Variants in SYTL1 observed in about 807,000 individuals in gnomAD.
The protein encoded by SYTL1 is synaptotagmin like 1.
Under a neutral mutation model 74.6 loss-of-function variants are expected in SYTL1, and 53 were observed. The observed-to-expected ratio is 0.71, with a 90% CI of 0.57 to 0.89. The LOEUF (loss-of-function observed/expected upper bound fraction) is 0.89. Among genes scored for constraint, SYTL1 ranks in the 40% least tolerant of loss-of-function variants. The pLI, the probability that SYTL1 is intolerant of heterozygous loss-of-function variation, is 0.00. For synonymous variants in SYTL1, 329 were observed against 324.9 expected, an observed-to-expected ratio of 1.01 and a Z score of -0.14; for missense variants, 728 against 768.7, an observed-to-expected ratio of 0.95 and a Z score of 0.63.
In SYTL1 at chr1:27,349,419, A is replaced by T. The variant is rs1297089853; in HGVS notation, c.554A>T (p.Gln185Leu). Residue 185 changes from glutamine to leucine, a missense_variant, in exon 7 of 15, where the codon CAG becomes CTG. Physicochemically the swap from Gln to Leu is moderately radical, Grantham distance 113. Transcript: ENST00000616558. ...CCAGATCCTGGCCAAGGAGACCAAC[A>T]GGTCTGTGCCGAGGAGGCTGACCCG... ...AQEDPGQGDQ[Q>L]VCAEEADPEL... is the part of the protein sequence containing the mutation. 33 of 1,448,034 alleles carry T rather than the reference A, an allele frequency of 2.3e-5. No homozygotes were observed. The allele number at this position is 1,448,034 out of a possible 1,614,324, so 89.7% of individuals were successfully genotyped here. A position where few individuals can be genotyped will look rare whatever the true frequency, so the allele number is the denominator to read the frequency against.
Position 27,351,625 on chromosome 1 carries a change from C to G in SYTL1, c.1343+70C>G. 1 of 1,014,530 alleles carries G rather than the reference C, an allele frequency of 9.9e-7. No individual in the cohort carries two copies. The highest frequency in any genetic ancestry group is 1.4e-6 in the Non-Finnish European group (1 of 699,854). The allele number at this position is 1,014,530 out of a possible 1,614,324, so 62.8% of individuals were successfully genotyped here. A position where few individuals can be genotyped will look rare whatever the true frequency, so the allele number is the denominator to read the frequency against. Reference sequence around the variant, plus strand: ...GTGGAGTGCCCAACCTCCACAAACCCTTACTAATCAACCTTTGATCACGCA... The same window carrying G: ...GTGGAGTGCCCAACCTCCACAAACCGTTACTAATCAACCTTTGATCACGCA... On this transcript the variant is annotated intron_variant, in intron 13 of 14. Coordinates refer to ENST00000616558, the MANE Select transcript of SYTL1 (RefSeq NM_001193308.2). The surrounding 1 kb of genome is among the most constrained non-coding windows in gnomAD (Gnocchi z 5.0).
rs749329012 is a variant in SYTL1, at chr1:27,347,890, A to C, written c.413+10A>C. 13 of 1,614,090 alleles carry C rather than the reference A, an allele frequency of 8.1e-6. No individual in the cohort carries two copies. Among genetic ancestry groups the C allele is most frequent in the East Asian group, 2.2e-5 (1 of 44,874 alleles). On this transcript the variant is annotated intron_variant, in intron 4 of 14. Coordinates refer to ENST00000616558, the MANE Select transcript of SYTL1 (RefSeq NM_001193308.2). The surrounding 1 kb of genome is among the most constrained non-coding windows in gnomAD (Gnocchi z 4.9). ...AGGGGCCAGAGCCCAGGTGAGGAGG[A>C]GTCTCAGGAAGGGGGAGATGGTGCC...
rs1311976594 is a variant in SYTL1 at position 27,345,520 on chromosome 1, G to C, written c.186G>C (p.Arg62=). The part of the protein sequence containing the change: ...DARLRQLEEG[R]VSKLRASVAD... The stretch of plus-strand genomic sequence containing the variant: ...GCCTGCGCCAGCTGGAGGAGGGGCG[G>C]GTCAGGTAAGGCAGGGCAGACCCTG... The change falls in exon 2 of 15, where the codon CGG becomes CGC. Residue 62 remains arginine, a synonymous_variant. Transcript: ENST00000616558. The surrounding 1 kb of genome is among the most constrained non-coding windows in gnomAD (Gnocchi z 6.0). 6.4e-7 allele frequency: 1 copy of C among 1,550,568 alleles called. No homozygotes were observed. The highest frequency in any genetic ancestry group is 2.4e-5 in the East Asian group (1 of 41,536).
Position 27,353,470 on chromosome 1 carries a change from C to G in SYTL1, c.1531C>G (p.Arg511Gly). ...GGCCAACCGCCAGCTGGGGGGCACA[C>G]GCCTCAGCCTGGGCACCGGTAAGTG... ...ALANRQLGGTRLSLGTGSSYG... is the reference protein window; with the variant it reads ...ALANRQLGGTGLSLGTGSSYG... The change falls in exon 14 of 15, where the codon CGC becomes GGC. Residue 511 changes from arginine (R) to glycine (G), a missense_variant. By Grantham distance (125) the Arg-to-Gly change is moderately radical. Transcript: ENST00000616558. 1 of 1,603,552 alleles carries G rather than the reference C, an allele frequency of 6.2e-7. No homozygotes were observed. The highest frequency in any genetic ancestry group is 1.1e-5 in the South Asian group (1 of 89,094).
At chr1:27,349,564 G>A (rs757924575) in intron 7 of SYTL1, 66 bp downstream of exon 7, 23 of 1,472,542 alleles carry the variant, frequency 1.6e-5, no homozygotes, top group Non-Finnish European at 2.1e-5. Context: ...GAGCGCTCCT[G>A]CCCAGGGCTG....
In SYTL1 at chr1:27,351,055, C is replaced by T; in HGVS notation, c.1164+103C>T. On this transcript the variant is annotated intron_variant, in intron 11 of 14. Coordinates refer to ENST00000616558, the MANE Select transcript of SYTL1 (RefSeq NM_001193308.2). This position sits in a 1 kb window ranked among gnomAD's most constrained non-coding sequence, Gnocchi z 5.0. ...CCTCACACCCCGCCTTCGACAGAACCTCCCCTCAACCTCTTAACCTCATGG... is the reference window on the plus strand; with the variant it reads ...CCTCACACCCCGCCTTCGACAGAACTTCCCCTCAACCTCTTAACCTCATGG... 1 of 1,426,206 alleles carries T rather than the reference C, an allele frequency of 7.0e-7. No homozygotes were observed. Among genetic ancestry groups the T allele is most frequent in the Non-Finnish European group, 9.5e-7 (1 of 1,048,094 alleles). 88.3% of individuals were successfully genotyped at this position (1,426,206 alleles called of 1,614,324 possible). A position where few individuals can be genotyped will look rare whatever the true frequency, so the allele number is the denominator to read the frequency against.
chr1:27,350,017 C>G lies in SYTL1; in HGVS notation c.793C>G (p.Gln265Glu). 2 of 1,556,220 alleles carry G rather than the reference C, an allele frequency of 1.3e-6. No individual in the cohort carries two copies. The highest frequency in any genetic ancestry group is 1.7e-6 in the Non-Finnish European group (2 of 1,160,320). Reference protein sequence around the residue: ...MSLSGDAEAVQVRGSVHFALH... With the variant: ...MSLSGDAEAVEVRGSVHFALH... ...CCTGTCAGGCGACGCGGAGGCGGTG[C>G]AGGTCCGCGGCTCCGTGCACTTCGC... Residue 265 changes from glutamine (Q) to glutamate (E), a missense_variant, in exon 9 of 15, where the codon CAG becomes GAG. Transcript: ENST00000616558. This position sits in a 1 kb window ranked among gnomAD's most constrained non-coding sequence, Gnocchi z 6.3.
At position 27,353,797 on chromosome 1, in the gene SYTL1, G is replaced by A. The variant is rs2148041307; in HGVS notation, c.1634G>A (p.Cys545Tyr). The A allele has an allele frequency of 6.2e-7, 1 of 1,614,042 alleles. No homozygotes were observed. The highest frequency in any genetic ancestry group is 2.2e-5 in the East Asian group (1 of 44,876). The part of the protein sequence containing the change: ...QLWQALLEQP[C>Y]EWVDGLLPLR... ...TGGCAAGCCCTCCTGGAGCAGCCGT[G>A]CGAATGGGTGGATGGCCTTCTACCC... is the stretch of plus-strand genomic sequence containing the variant. Residue 545 changes from cysteine to tyrosine, a missense_variant, in exon 15 of 15, where the codon TGC (cysteine) becomes TAC (tyrosine). By Grantham distance (194) the Cys-to-Tyr change is radical (BLOSUM62 -2). Transcript: ENST00000616558.
rs987346871 is a variant in SYTL1, at chr1:27,351,257, G to A, written c.1165-1G>A. 3.9e-5 allele frequency: 60 copies of A among 1,557,300 alleles called. No individual in the cohort carries two copies. Among genetic ancestry groups the A allele is most frequent in the Non-Finnish European group, 5.0e-5 (58 of 1,151,884 alleles). On this transcript the variant is annotated splice_acceptor_variant, in intron 11 of 14. Coordinates refer to ENST00000616558, the MANE Select transcript of SYTL1 (RefSeq NM_001193308.2). LOFTEE classifies it high-confidence loss of function. The surrounding 1 kb of genome is among the most constrained non-coding windows in gnomAD (Gnocchi z 5.0). ...CTCCACGATAAGCCCGCCTCTCGCA[G>A]GTCCCACCCTCTCCCGACGACCTTC...
chr1:27,349,144 C>T lies in SYTL1; in HGVS notation c.524C>T (p.Ala175Val). 6.2e-7 allele frequency: 1 copy of T among 1,613,598 alleles called. No individual in the cohort carries two copies. The highest frequency in any genetic ancestry group is 8.5e-7 in the Non-Finnish European group (1 of 1,179,578). ...KASDPEEASQAQEDPGQGDQQ... is the reference protein window; with the variant it reads ...KASDPEEASQVQEDPGQGDQQ... The stretch of plus-strand genomic sequence containing the variant: ...TCAGATCCTGAGGAGGCGTCCCAGG[C>T]CCAGGAAGGTGAGTGGGAGCGCCTG... Residue 175 changes from alanine to valine, a missense_variant, in exon 6 of 15, where the codon GCC becomes GTC. Physicochemically the swap from Ala to Val is moderately conservative, Grantham distance 64. Coordinates refer to ENST00000616558, the MANE Select transcript of SYTL1 (RefSeq NM_001193308.2).
At position 27,348,307 on chromosome 1, in the gene SYTL1, C is replaced by T. The variant is rs2015089681; in HGVS notation, c.459+295C>T. On this transcript the variant is annotated intron_variant, in intron 5 of 14. Transcript: ENST00000616558. The surrounding 1 kb of genome is among the most constrained non-coding windows in gnomAD (Gnocchi z 4.1). The stretch of plus-strand genomic sequence containing the variant: ...TGAAGTGGGGCCAGGCACGGTGGCT[C>T]ATGCCTGTAATCCCAGCATTTTGGG... Among the ~76,000 whole-genome samples, 1 of 152,004 alleles carries T rather than the reference C, an allele frequency of 6.6e-6. No homozygotes were observed. The highest frequency in any genetic ancestry group is 1.5e-5 in the Non-Finnish European group (1 of 68,006).
At chr1:27,349,825 C>T in intron 8 of SYTL1, 60 bp downstream of exon 8, 1 of 1,543,136 alleles carries the variant, frequency 6.5e-7, no homozygotes, top group South Asian at 1.2e-5. Flanking sequence ...GATGCGTAGC[C>T]CCTGCCTGCC....
rs2148033343 is a variant in SYTL1, at chr1:27,348,869, A to G, written c.460-211A>G. ...TACGAATGACCCCACCAATGGGAGT[A>G]GGGAGTCAGGCGGCACAAGCCCTGC... On this transcript the variant is annotated intron_variant, in intron 5 of 14. Coordinates refer to ENST00000616558, the MANE Select transcript of SYTL1 (RefSeq NM_001193308.2). The surrounding 1 kb of genome is among the most constrained non-coding windows in gnomAD (Gnocchi z 4.1). 6.6e-6 allele frequency among the ~76,000 whole-genome samples: 1 copy of G among 152,352 alleles called. No homozygotes were observed. Among genetic ancestry groups the G allele is most frequent in the South Asian group, 2.1e-4 (1 of 4,824 alleles).
chr1:27,351,170 A>G lies in SYTL1; in HGVS notation c.1165-88A>G. 6.8e-7 allele frequency: 1 copy of G among 1,470,338 alleles called. No individual in the cohort carries two copies. The highest frequency in any genetic ancestry group is 9.2e-7 in the Non-Finnish European group (1 of 1,083,702). 91.1% of individuals were successfully genotyped at this position (1,470,338 alleles called of 1,614,324 possible). ...CCCTGCAGGCCCCGCCGTCTCTTCT[A>G]GCCGCACCCCATCCGGGTCTGCAGA... is the stretch of plus-strand genomic sequence containing the variant. On this transcript the variant is annotated intron_variant, in intron 11 of 14. Transcript: ENST00000616558. This position sits in a 1 kb window ranked among gnomAD's most constrained non-coding sequence, Gnocchi z 5.0.
At position 27,350,485 on chromosome 1, in the gene SYTL1, G is replaced by A. The variant is rs750533684; in HGVS notation, c.1005G>A (p.Arg335=). The A allele has an allele frequency of 1.9e-6, 3 of 1,611,882 alleles. No homozygotes were observed. The highest frequency in any genetic ancestry group is 2.5e-6 in the Non-Finnish European group (3 of 1,178,786). The change falls in exon 10 of 15, where the codon CGG becomes CGA. Residue 335 remains arginine, a splice_region_variant and synonymous_variant. Coordinates refer to ENST00000616558, the MANE Select transcript of SYTL1 (RefSeq NM_001193308.2). The surrounding 1 kb of genome is among the most constrained non-coding windows in gnomAD (Gnocchi z 6.3). ...ATCCGGTTTTCAACGAGACTCTCCG[G>A]GTGAGGCTGTGACCACGATGCGGTT... ...NLNPVFNETL[R]YSVPQAELQG...
chr1:27,351,100 G>A lies in SYTL1; in HGVS notation c.1164+148G>A, dbSNP rs144714876. The A allele has an allele frequency of 2.5e-3, 3,315 of 1,320,598 alleles. 69 individuals carry two copies. The African/African-American group carries it at 0.042, about 17-fold the overall frequency. The allele number at this position is 1,320,598 out of a possible 1,614,324, so 81.8% of individuals were successfully genotyped here. ...TCATGGCCCCAGGCGAAGCCCGGCC[G>A]GCCACGGCCCCTTCCCCGAGGGCGC... On this transcript the variant is annotated intron_variant, in intron 11 of 14. Transcript: ENST00000616558. This position sits in a 1 kb window ranked among gnomAD's most constrained non-coding sequence, Gnocchi z 5.0.
Position 27,350,067 on chromosome 1 carries a change from C to T in SYTL1, c.843C>T (p.Ala281=), listed in dbSNP as rs750898759. 2.7e-6 allele frequency: 4 copies of T among 1,502,258 alleles called. No individual in the cohort carries two copies. The highest frequency in any genetic ancestry group is 3.5e-6 in the Non-Finnish European group (4 of 1,132,830). The allele number at this position is 1,502,258 out of a possible 1,614,324, so 93.1% of individuals were successfully genotyped here. A position where few individuals can be genotyped will look rare whatever the true frequency, so the allele number is the denominator to read the frequency against. Residue 281 remains alanine (A), a synonymous_variant, in exon 9 of 15, where the codon GCC becomes GCT. Coordinates refer to ENST00000616558, the MANE Select transcript of SYTL1 (RefSeq NM_001193308.2). This position sits in a 1 kb window ranked among gnomAD's most constrained non-coding sequence, Gnocchi z 6.3. ...CGCTGCACTACGAGCCGGGCGCCGC[C>T]GAGCTGCGCGTGCACGTGATCCAGT... ...HFALHYEPGA[A]ELRVHVIQCQ...
At position 27,342,299 on chromosome 1, in the gene SYTL1, C is replaced by T; in HGVS notation, c.-39+149C>T. The T allele has an allele frequency of 1.0e-6, 1 of 983,498 alleles. No homozygotes were observed. Among genetic ancestry groups the T allele is most frequent in the South Asian group, 4.7e-5 (1 of 21,266 alleles). 60.9% of individuals were successfully genotyped at this position (983,498 alleles called of 1,614,324 possible). On this transcript the variant is annotated intron_variant, in intron 1 of 14. Transcript: ENST00000616558. The surrounding 1 kb of genome is among the most constrained non-coding windows in gnomAD (Gnocchi z 4.7). The stretch of plus-strand genomic sequence containing the variant: ...ACAGCTGGACAGATGGACAGACCCT[C>T]CTCTTGACCAATGGGTCTGTCCCAC...
Position 27,347,290 on chromosome 1 carries a change from C to T in SYTL1, c.192-131C>T. 8.2e-7 allele frequency: 1 copy of T among 1,213,846 alleles called. No homozygotes were observed. The highest frequency in any genetic ancestry group is 1.4e-5 in the South Asian group (1 of 72,054). The allele number at this position is 1,213,846 out of a possible 1,614,324, so 75.2% of individuals were successfully genotyped here. Reference sequence around the variant, plus strand: ...CTTGGTCTCCCCAGCAGCCCGAGCTCCTCCACAGCACAGATCAAGTCTGAT... The same window carrying T: ...CTTGGTCTCCCCAGCAGCCCGAGCTTCTCCACAGCACAGATCAAGTCTGAT... On this transcript the variant is annotated intron_variant, in intron 2 of 14. Coordinates refer to ENST00000616558, the MANE Select transcript of SYTL1 (RefSeq NM_001193308.2). The surrounding 1 kb of genome is among the most constrained non-coding windows in gnomAD (Gnocchi z 4.9).
Sources: allele counts gnomAD v4.1 joint callset (sites outside exome capture counted in the v4.1 genomes callset), GRCh38; gene constraint gnomAD v4.1.1; non-coding constraint Gnocchi (gnomAD v3.1); transcripts MANE v1.5; gene names NCBI Gene and HGNC (gene_info 2026-07-23, HGNC 2026-07-21).